CCDC7: variants seen among roughly 807,000 people sequenced by gnomAD.
The protein encoded by CCDC7 is coiled-coil domain containing 7.
Under a neutral mutation model 196.9 loss-of-function variants are expected in CCDC7, and 183 were observed. The ratio of observed to expected loss-of-function variants is 0.93; its 90% CI spans 0.82 to 1.05. CCDC7 has a LOEUF of 1.05. CCDC7 is among the 50% of genes least tolerant of loss of function. The pLI is 0.00. For synonymous variants in CCDC7, 525 were observed against 484.6 expected (o/e 1.08, Z -1.10); for missense variants, 1,540 against 1,482.2 (o/e 1.04, Z -0.64).
chr10:32,681,874 T>C (rs936790227), intron 21 of CCDC7, among the ~76,000 whole-genome samples: 2 of 152,052 alleles, frequency 1.3e-5, no homozygotes, highest in African/African-American at 4.8e-5. Context: ...ATGGCAAATC[T>C]CTTGGACACC....
At position 32,528,722 on chromosome 10, in the gene CCDC7, ACG is replaced by A. The variant is rs1434112296; in HGVS notation, c.993+10218_993+10219del. 9.0e-3 allele frequency among the ~76,000 whole-genome samples: 1,322 copies of A among 146,346 alleles called. 28 individuals are homozygous for A. The highest frequency in any genetic ancestry group is 0.03 in the African/African-American group (1,222 of 40,626). On this transcript the variant is annotated intron_variant, in intron 11 of 41. Coordinates refer to ENST00000639629, the Ensembl canonical transcript of CCDC7. ...CATATATATGTATATATACATATAT[ACG>A]TATTTACGTATATATGTATATATAC... is the stretch of plus-strand genomic sequence containing the variant.
intron 16 of CCDC7, among the ~76,000 whole-genome samples, chr10:32,575,299 G>T (rs1209246488): frequency 6.6e-6 from 1 of 152,130 alleles, no homozygotes; most frequent in African/African-American, 2.4e-5. Context: ...AAAAGATCTA[G>T]ACTAGAGGAG....
intron 16 of CCDC7, among the ~76,000 whole-genome samples, chr10:32,576,757 C>T (rs559385846): frequency 6.6e-6 from 1 of 151,984 alleles, no homozygotes; most frequent in Admixed American, 6.5e-5. Flanking sequence ...CCCTATGTTG[C>T]CCAGGCTGGT....
At chr10:32,814,309 C>G (rs2087883970) in intron 30 of CCDC7, 61 bp from the exon 32 acceptor site, 1 of 1,161,050 alleles carries the variant, frequency 8.6e-7, no homozygotes, top group Admixed American at 1.7e-5. Flanking sequence ...TGCACTCACA[C>G]TGTCACATTT....
intron 6 of CCDC7, 114 bp downstream of exon 7, chr10:32,471,344 C>G (rs1588908148): frequency 8.8e-6 from 11 of 1,251,250 alleles, no homozygotes; most frequent in South Asian, 3.2e-5. Context: ...GCTTCTTAGT[C>G]AAATCAGGTC....
chr10:32,833,401 A>T (rs2092375444), intron 32 of CCDC7, among the ~76,000 whole-genome samples: 1 of 151,950 alleles, frequency 6.6e-6, no homozygotes, highest in South Asian at 2.1e-4. Flanking sequence ...TAACAGTTTC[A>T]AAAAGAGATG....
intron 18 of CCDC7, among the ~76,000 whole-genome samples, chr10:32,606,190 G>A (rs2061542017): frequency 6.6e-6 from 1 of 152,242 alleles, no homozygotes; most frequent in African/African-American, 2.4e-5. Flanking sequence ...GTTTCTACAT[G>A]GTGTTAAGCC....
At chr10:32,653,082 G>A (rs2140195784) in intron 20 of CCDC7, among the ~76,000 whole-genome samples, 1 of 152,224 alleles carries the variant, frequency 6.6e-6, no homozygotes, top group South Asian at 2.1e-4. Flanking sequence ...CACTATTTTA[G>A]GTTGTCAATT....
At chr10:32,843,744 CCTT>C (rs1427348042) in intron 33 of CCDC7, among the ~76,000 whole-genome samples, 2 of 151,950 alleles carry the variant, frequency 1.3e-5, no homozygotes, top group Non-Finnish European at 2.9e-5. Context: ...ATGAACCATT[CCTT>C]CTTATGTGTG....
At chr10:32,758,905 G>T (rs1345738365) in intron 28 of CCDC7, among the ~76,000 whole-genome samples, 1 of 152,124 alleles carries the variant, frequency 6.6e-6, no homozygotes, top group Non-Finnish European at 1.5e-5. Context: ...AAAATCTCAG[G>T]ATACAAAATC....
At chr10:32,453,193 A>T (rs2033534396) in intron 1 of CCDC7, 151 bp from the exon 3 acceptor site, 3 of 422,226 alleles carry the variant, frequency 7.1e-6, no homozygotes, top group African/African-American at 2.1e-5. Context: ...GAAATTGGGT[A>T]TGGGATGAAA....
intron 18 of CCDC7, among the ~76,000 whole-genome samples, chr10:32,595,431 T>A (rs1252553305): frequency 6.6e-6 from 1 of 152,240 alleles, no homozygotes; most frequent in Non-Finnish European, 1.5e-5. Context: ...TATTTGATTC[T>A]TCTCTCTTTT....
chr10:32,726,955 C>G (rs2132632306), intron 26 of CCDC7, 123 bp downstream of exon 27: 2 of 613,820 alleles, frequency 3.3e-6, no homozygotes, highest in East Asian at 6.2e-5. Context: ...AGACTTTGCC[C>G]TGAAGTCTTA....
At chr10:32,785,783 C>T (rs567978713) in intron 29 of CCDC7, among the ~76,000 whole-genome samples, 1 of 152,272 alleles carries the variant, frequency 6.6e-6, no homozygotes, top group African/African-American at 2.4e-5. Flanking sequence ...TTTTCTTCAT[C>T]TCTCTTTATG....
intron 28 of CCDC7, among the ~76,000 whole-genome samples, chr10:32,777,818 C>T (rs987423935): frequency 6.6e-6 from 1 of 152,148 alleles, no homozygotes; most frequent in East Asian, 1.9e-4. Context: ...AAGCCAAGAT[C>T]GTGCCACTGC....
At chr10:32,866,248 TA>T (rs2094196103) in intron 41 of CCDC7, among the ~76,000 whole-genome samples, 1 of 151,676 alleles carries the variant, frequency 6.6e-6, no homozygotes, top group African/African-American at 2.4e-5. Context: ...ATGAAAGAAA[TA>T]AATGATAAGC....
chr10:32,452,204 ATTT>A (rs2033250784), intron 1 of CCDC7, among the ~76,000 whole-genome samples: 2 of 152,286 alleles, frequency 1.3e-5, no homozygotes, highest in Non-Finnish European at 2.9e-5. Context: ...GTGCCCTGGG[ATTT>A]ATTGGGGGTT....
chr10:32,780,253 G>A (rs1447679560), intron 29 of CCDC7, among the ~76,000 whole-genome samples: 1 of 151,904 alleles, frequency 6.6e-6, no homozygotes, highest in African/African-American at 2.4e-5. Context: ...AAAAAACCCA[G>A]AATTCTCCAG....
intron 11 of CCDC7, among the ~76,000 whole-genome samples, chr10:32,524,076 T>C (rs1352079550): frequency 6.6e-6 from 1 of 151,410 alleles, no homozygotes; most frequent in African/African-American, 2.4e-5. Context: ...TCTGTCTTTT[T>C]TTTTTTTTTA....
Sources: gnomAD v4.1 joint callset for allele counts (sites outside exome capture counted in the v4.1 genomes callset) on GRCh38, gnomAD v4.1.1 for gene constraint, MANE v1.5 for transcripts, NCBI Gene and HGNC (gene_info 2026-07-23, HGNC 2026-07-21) for gene names.